Variants in MITD1 observed in about 807,000 individuals in gnomAD.
MITD1 encodes the protein microtubule interacting and trafficking domain containing 1.
MITD1 carries 24 observed loss-of-function variants against 34.9 expected under a neutral mutation model. That is an observed-to-expected ratio of 0.69 (90% CI 0.50 to 0.97). The LOEUF (loss-of-function observed/expected upper bound fraction) is 0.97, where lower values mean the gene tolerates loss of function less well. Ranked by LOEUF, MITD1 falls within the 50% of genes least tolerant of loss-of-function variation. The pLI is 0.00. For missense variants in MITD1, 266 were observed against 294.6 expected (o/e 0.90, Z 0.71); for synonymous variants, 102 against 101.4 (o/e 1.01, Z -0.04).
chr2:99,164,524 TA>T (rs1400868748), downstream of MITD1, among the ~76,000 whole-genome samples: 1 of 129,700 alleles, frequency 7.7e-6, no homozygotes, highest in African/African-American at 2.7e-5. Context: ...TATATCTCAG[TA>T]GTTCCAGGCC....
At chr2:99,166,619 C>T (rs138767417), downstream of MITD1, among the ~76,000 whole-genome samples, 3 of 151,458 alleles carry the variant, frequency 2.0e-5, no homozygotes, top group East Asian at 5.8e-4. Context: ...AGAGATTGCT[C>T]TAAGGCCCAA....
At chr2:99,164,578 G>C (rs1011291542), downstream of MITD1, among the ~76,000 whole-genome samples, 1 of 152,096 alleles carries the variant, frequency 6.6e-6, no homozygotes, top group Admixed American at 6.5e-5. Context: ...ATGGACACAG[G>C]GTTTTGCCTA....
At chr2:99,171,278 G>T in intron 4 of MITD1, 65 bp downstream of exon 4, 1 of 1,219,790 alleles carries the variant, frequency 8.2e-7, no homozygotes, top group Non-Finnish European at 1.2e-6. Context: ...TGTTCTCCTT[G>T]ACTGGACTAC....
At chr2:99,167,765 G>GA (rs1179182604), downstream of MITD1, among the ~76,000 whole-genome samples, 1 of 152,130 alleles carries the variant, frequency 6.6e-6, no homozygotes, top group Non-Finnish European at 1.5e-5. Flanking sequence ...GTTTTCCTGA[G>GA]ACCCTGAATT....
intron 1 of MITD1, among the ~76,000 whole-genome samples, chr2:99,180,101 T>C (rs1264373484): frequency 6.6e-6 from 1 of 152,144 alleles, no homozygotes; most frequent in Non-Finnish European, 1.5e-5. Flanking sequence ...AATATTTGGG[T>C]ATTTCTCAAC....
At chr2:99,176,141 G>A (rs1404008081) in intron 1 of MITD1, among the ~76,000 whole-genome samples, 1 of 152,046 alleles carries the variant, frequency 6.6e-6, no homozygotes, top group African/African-American at 2.4e-5. Flanking sequence ...CTGTAGAGAT[G>A]GGGTATCACC....
chr2:99,173,644 A>G (rs181075553), intron 2 of MITD1: 39 of 497,474 alleles, frequency 7.8e-5, no homozygotes, highest in Admixed American at 4.2e-4. Context: ...AATGGCATGG[A>G]ACATTCTCCA....
chr2:99,174,324 T>A (rs1006409690), intron 1 of MITD1, among the ~76,000 whole-genome samples: 2 of 152,216 alleles, frequency 1.3e-5, no homozygotes, highest in African/African-American at 4.8e-5. Flanking sequence ...AGCACTATTT[T>A]ATCCTAACTA....
At chr2:99,174,742 C>G (rs1330450478) in intron 1 of MITD1, among the ~76,000 whole-genome samples, 1 of 152,208 alleles carries the variant, frequency 6.6e-6, no homozygotes, top group South Asian at 2.1e-4. Flanking sequence ...AGGCGCCCAC[C>G]ACTATGCCTG....
downstream of MITD1, among the ~76,000 whole-genome samples, chr2:99,166,874 T>C (rs962214766): frequency 2.3e-5 from 3 of 131,058 alleles, no homozygotes; most frequent in Admixed American, 1.5e-4. Flanking sequence ...TATATATATA[T>C]ATATATATAT....
chr2:99,171,745 A>G (rs1369060192), intron 2 of MITD1, 99 bp from the exon 3 acceptor site: 6 of 1,172,898 alleles, frequency 5.1e-6, no homozygotes, highest in Admixed American at 2.4e-5. Context: ...GATACATATT[A>G]ATTTTTTTAA....
chr2:99,177,723 G>A (rs1302017172), intron 1 of MITD1, among the ~76,000 whole-genome samples: 4 of 151,320 alleles, frequency 2.6e-5, no homozygotes, highest in African/African-American at 7.3e-5. Flanking sequence ...GGCTGGTCTC[G>A]AACTCCTGAC....
chr2:99,164,118 C>A (rs1355172013), intron 7 of MITD1, among the ~76,000 whole-genome samples: 1 of 152,154 alleles, frequency 6.6e-6, no homozygotes, highest in Non-Finnish European at 1.5e-5. Flanking sequence ...TTATAATTTT[C>A]AACTTATGTA....
chr2:99,166,715 A>G (rs1386805419), downstream of MITD1, among the ~76,000 whole-genome samples: 2 of 151,444 alleles, frequency 1.3e-5, no homozygotes, highest in African/African-American at 4.8e-5. Context: ...TACTGACTCT[A>G]ATTTTATAAA....
downstream of MITD1, among the ~76,000 whole-genome samples, chr2:99,165,979 C>T (rs1406673903): frequency 6.6e-6 from 1 of 152,126 alleles, no homozygotes; most frequent in Non-Finnish European, 1.5e-5. Flanking sequence ...GCCCTTGCAT[C>T]AGTGTCAGCA....
chr2:99,166,881 AT>A (rs1161434437), downstream of MITD1, among the ~76,000 whole-genome samples: 460 of 142,828 alleles, frequency 3.2e-3, 4 homozygotes, highest in African/African-American at 0.011. Context: ...ATATATATAT[AT>A]ATATATATAT....
intron 5 of MITD1, among the ~76,000 whole-genome samples, chr2:99,170,074 T>C (rs1222386126): frequency 6.6e-6 from 1 of 152,206 alleles, no homozygotes; most frequent in Admixed American, 6.5e-5. Flanking sequence ...ATAACCACTG[T>C]GCTAAACAAA....
intron 7 of MITD1, among the ~76,000 whole-genome samples, chr2:99,163,994 T>C (rs921723344): frequency 1.3e-5 from 2 of 152,192 alleles, no homozygotes; most frequent in Admixed American, 6.5e-5. Flanking sequence ...CCTTTGACCT[T>C]CTACCATAGC....
downstream of MITD1, among the ~76,000 whole-genome samples, chr2:99,166,858 A>ATAT (rs2093829286): frequency 8.7e-6 from 1 of 115,422 alleles, no homozygotes; most frequent in African/African-American, 3.4e-5. Context: ...TGGGGTTTTA[A>ATAT]ATATATATAT....
Sources: allele counts gnomAD v4.1 joint callset (sites outside exome capture counted in the v4.1 genomes callset), GRCh38; gene constraint gnomAD v4.1.1; transcripts MANE v1.5; gene names NCBI Gene and HGNC (gene_info 2026-07-23, HGNC 2026-07-21).